OPCML: variants seen among roughly 807,000 people sequenced by gnomAD.
OPCML encodes the protein opioid binding protein/cell adhesion molecule like.
A neutral mutation model predicts 37.8 loss-of-function variants in OPCML; 13 were observed. The observed-to-expected ratio is 0.34, with a 90% CI of 0.22 to 0.55. The LOEUF is 0.55. Among genes scored for constraint, OPCML ranks in the 20% least tolerant of loss-of-function variants. The pLI is 0.91. For synonymous variants in OPCML, 176 were observed against 168.8 expected (o/e 1.04, Z -0.33); for missense variants, 341 against 435.6 (o/e 0.78, Z 1.93).
chr11:133,256,850 C>T (rs1432139964), intron 1 of OPCML, among the ~76,000 whole-genome samples: 2 of 152,252 alleles, frequency 1.3e-5, no homozygotes, highest in Non-Finnish European at 2.9e-5. Context: ...TTTAATTCTC[C>T]AAACATTTAT....
At chr11:133,422,275 T>C in intron 1 of OPCML, 1 of 984,742 alleles carries the variant, frequency 1.0e-6, no homozygotes, top group Non-Finnish European at 1.2e-6. Context: ...GTCGTGGGAC[T>C]CACCACTAAA....
chr11:133,090,421 C>G (rs1948889006), intron 1 of OPCML, among the ~76,000 whole-genome samples: 1 of 152,172 alleles, frequency 6.6e-6, no homozygotes, highest in African/African-American at 2.4e-5. Flanking sequence ...AAGAGCTTTA[C>G]AGACAGCCTA....
chr11:132,484,263 G>A (rs1437478498), intron 4 of OPCML, among the ~76,000 whole-genome samples: 2 of 152,170 alleles, frequency 1.3e-5, no homozygotes, highest in Non-Finnish European at 2.9e-5. Context: ...CAAAGGACAT[G>A]AACAGACACT....
At chr11:132,739,010 C>T (rs1000003867) in intron 2 of OPCML, among the ~76,000 whole-genome samples, 1 of 152,064 alleles carries the variant, frequency 6.6e-6, no homozygotes, top group African/African-American at 2.4e-5. Context: ...CTAACCCCAG[C>T]ACGTTTGCGT....
chr11:133,004,148 C>A (rs2136856211), intron 1 of OPCML: 1 of 985,368 alleles, frequency 1.0e-6, no homozygotes, highest in Admixed American at 6.1e-5. Flanking sequence ...GAGCAGGCAG[C>A]CCAGAGAGTG....
At chr11:133,378,719 T>C (rs528560471) in intron 1 of OPCML, among the ~76,000 whole-genome samples, 3 of 151,670 alleles carry the variant, frequency 2.0e-5, no homozygotes, top group African/African-American at 7.3e-5. Context: ...CTTCTTTCTT[T>C]CTTTTTTTGT....
chr11:132,762,481 T>C (rs1353794602), intron 2 of OPCML, among the ~76,000 whole-genome samples: 1 of 152,234 alleles, frequency 6.6e-6, no homozygotes, highest in Non-Finnish European at 1.5e-5. Context: ...TGACTGGGGC[T>C]GCTGCCTTTC....
chr11:133,286,233 G>A (rs778957859), intron 1 of OPCML, among the ~76,000 whole-genome samples: 6 of 152,000 alleles, frequency 3.9e-5, no homozygotes, highest in South Asian at 4.2e-4. Context: ...GGCGGATCTC[G>A]AGGTCAGGAG....
chr11:133,040,780 C>G (rs1488415963), intron 1 of OPCML, among the ~76,000 whole-genome samples: 1 of 151,978 alleles, frequency 6.6e-6, no homozygotes. Context: ...AGTGCTCTCG[C>G]ATTAATATGG....
intron 4 of OPCML, among the ~76,000 whole-genome samples, chr11:132,482,478 T>A (rs895744492): frequency 8.5e-5 from 13 of 152,272 alleles, no homozygotes; most frequent in South Asian, 6.2e-4. Context: ...CACAGCCGAA[T>A]TCTACCAGAG....
chr11:132,941,120 C>T (rs901714444), intron 2 of OPCML, among the ~76,000 whole-genome samples: 3 of 152,124 alleles, frequency 2.0e-5, no homozygotes, highest in Non-Finnish European at 4.4e-5. Context: ...AACTATTCAG[C>T]TTTTCTTTTT....
At chr11:133,066,721 G>A (rs1948446568) in intron 1 of OPCML, 1 of 152,608 alleles carries the variant, frequency 6.6e-6, no homozygotes, top group South Asian at 2.1e-4. Flanking sequence ...CTGTTGCCCA[G>A]GCTGGAGTGC....
chr11:133,517,404 C>T (rs1278987477), intron 1 of OPCML, among the ~76,000 whole-genome samples: 1 of 152,188 alleles, frequency 6.6e-6, no homozygotes, highest in Non-Finnish European at 1.5e-5. Context: ...TGGGAGCCCA[C>T]TGATAGTACA....
intron 4 of OPCML, among the ~76,000 whole-genome samples, chr11:132,505,967 A>G (rs1156769434): frequency 6.6e-6 from 1 of 152,164 alleles, no homozygotes; most frequent in Non-Finnish European, 1.5e-5. Context: ...GACACATCAC[A>G]TCTCCCGGAA....
chr11:132,692,338 G>A (rs1389097906), intron 2 of OPCML, among the ~76,000 whole-genome samples: 1 of 152,150 alleles, frequency 6.6e-6, no homozygotes, highest in African/African-American at 2.4e-5. Flanking sequence ...TTAGGTGCTG[G>A]TAATTAACAC....
intron 4 of OPCML, among the ~76,000 whole-genome samples, chr11:132,512,602 T>C (rs1179939699): frequency 6.6e-6 from 1 of 152,002 alleles, no homozygotes. Flanking sequence ...TGTTCTAAAA[T>C]TATACAAGAT....
chr11:132,503,360 G>C (rs2096249720), intron 4 of OPCML, among the ~76,000 whole-genome samples: 2 of 152,120 alleles, frequency 1.3e-5, no homozygotes, highest in Admixed American at 1.3e-4. Flanking sequence ...AGTGCACGTA[G>C]TAATTACCAC....
intron 2 of OPCML, among the ~76,000 whole-genome samples, chr11:132,930,659 T>C (rs1054573155): frequency 4.6e-5 from 7 of 152,014 alleles, no homozygotes; most frequent in African/African-American, 1.2e-4. Flanking sequence ...ACTAAGAAGG[T>C]GAAAGTCGTA....
chr11:132,588,075 C>T (rs1220961719), intron 3 of OPCML, among the ~76,000 whole-genome samples: 2 of 152,152 alleles, frequency 1.3e-5, no homozygotes, highest in South Asian at 2.1e-4. Flanking sequence ...CTCCTCATGC[C>T]GTGAGATCAG....
Sources: gnomAD v4.1 joint callset for allele counts (sites outside exome capture counted in the v4.1 genomes callset) on GRCh38, gnomAD v4.1.1 for gene constraint, MANE v1.5 for transcripts, NCBI Gene and HGNC (gene_info 2026-07-23, HGNC 2026-07-21) for gene names.